The following GLMN variants were observed in gnomAD, a reference collection of about 807,000 sequenced individuals.
GLMN encodes the protein glomulin, FKBP associated protein.
GLMN carries 75 observed loss-of-function variants against 87.8 expected under a neutral mutation model. That is an observed-to-expected ratio of 0.85 (90% confidence interval 0.71 to 1.04). The LOEUF (loss-of-function observed/expected upper bound fraction) is 1.04, where lower values mean the gene tolerates loss of function less well. Among genes scored for constraint, GLMN ranks in the 50% least tolerant of loss-of-function variants. The probability of loss-of-function intolerance (pLI) is 0.00; values close to 1 mark genes in which losing one functional copy is unlikely to be tolerated. For synonymous variants in GLMN, 206 were observed against 221.6 expected (o/e 0.93, Z 0.63); for missense variants, 588 against 658.8 (o/e 0.89, Z 1.18).
chr1:92,328,154 G>A, the GLMN span, among the ~76,000 whole-genome samples: 1 of 152,154 alleles, frequency 6.6e-6, no homozygotes, highest in African/African-American at 2.4e-5. Context: ...TTTTTATGAT[G>A]AGTTTCCCAG....
At chr1:92,287,485 C>T (rs1451131869) in intron 6 of GLMN, among the ~76,000 whole-genome samples, 3 of 150,652 alleles carry the variant, frequency 2.0e-5, no homozygotes, top group African/African-American at 7.3e-5. Flanking sequence ...GGACTACAGG[C>T]ACACACCACT....
intron 9 of GLMN, among the ~76,000 whole-genome samples, chr1:92,268,853 A>T (rs566414989): frequency 5.1e-4 from 78 of 151,988 alleles, no homozygotes; most frequent in African/African-American, 1.8e-3. Context: ...CAAAGCATAT[A>T]GTTCTGTGAA....
chr1:92,299,755 C>T (rs1341415711), upstream of GLMN, among the ~76,000 whole-genome samples: 1 of 152,132 alleles, frequency 6.6e-6, no homozygotes, highest in Non-Finnish European at 1.5e-5. Context: ...TTGATTTACA[C>T]ACGATTGGAC....
At chr1:92,249,204 T>C (rs1653107908) in intron 16 of GLMN, among the ~76,000 whole-genome samples, 1 of 151,802 alleles carries the variant, frequency 6.6e-6, no homozygotes, top group Non-Finnish European at 1.5e-5. Flanking sequence ...TGTACAGACG[T>C]ATTAACCCAA....
intron 2 of GLMN, 45 bp from the exon 3 acceptor site, chr1:92,297,574 T>C (rs1347388607): frequency 2.0e-6 from 3 of 1,473,626 alleles, no homozygotes; most frequent in East Asian, 2.3e-5. Flanking sequence ...AAAAAAAGTA[T>C]ATGCAAATAA....
upstream of GLMN, chr1:92,299,117 G>A (rs888166044): frequency 5.3e-6 from 8 of 1,522,708 alleles, no homozygotes; most frequent in Non-Finnish European, 6.2e-6. Context: ...CGCAAGGCCG[G>A]GGCTCCCCGC....
At chr1:92,292,689 C>T (rs994697983) in intron 3 of GLMN, among the ~76,000 whole-genome samples, 3 of 145,556 alleles carry the variant, frequency 2.1e-5, no homozygotes, top group Admixed American at 2.0e-4. Flanking sequence ...TCCCAAAGTG[C>T]TGGGATTACA....
At chr1:92,320,736 C>T in the GLMN span, 1 of 839,058 alleles carries the variant, frequency 1.2e-6, no homozygotes. Context: ...TGTGCTGATG[C>T]ATTATGTAAG....
At chr1:92,332,129 T>C in the GLMN span, among the ~76,000 whole-genome samples, 1 of 151,988 alleles carries the variant, frequency 6.6e-6, no homozygotes, top group African/African-American at 2.4e-5. Context: ...TTTTACTGTA[T>C]CTTGTAGGTC....
intron 16 of GLMN, among the ~76,000 whole-genome samples, chr1:92,256,039 T>C (rs1247416665): frequency 6.6e-6 from 1 of 151,650 alleles, no homozygotes; most frequent in Non-Finnish European, 1.5e-5. Flanking sequence ...AAGAATCAAA[T>C]AGACACAATA....
At chr1:92,266,398 T>G (rs1268833766) in intron 13 of GLMN, 21 bp downstream of exon 13, 2 of 1,240,868 alleles carry the variant, frequency 1.6e-6, no homozygotes, top group Non-Finnish European at 1.2e-6. Context: ...CACTTAGCAA[T>G]TAGCCATGCT....
chr1:92,362,426 G>C, the GLMN span, among the ~76,000 whole-genome samples: 15 of 152,148 alleles, frequency 9.9e-5, no homozygotes, highest in Admixed American at 9.8e-4. Flanking sequence ...AGCCAGAATG[G>C]TGAAAAAGAG....
At chr1:92,291,819 A>G (rs1649444465) in intron 3 of GLMN, among the ~76,000 whole-genome samples, 1 of 152,208 alleles carries the variant, frequency 6.6e-6, no homozygotes, top group African/African-American at 2.4e-5. Context: ...TATTTCCAAC[A>G]AAAGAGTTAA....
intron 3 of GLMN, among the ~76,000 whole-genome samples, chr1:92,292,924 T>C (rs1570978552): frequency 6.6e-6 from 1 of 151,206 alleles, no homozygotes; most frequent in Non-Finnish European, 1.5e-5. Context: ...CTTGGGAGGA[T>C]GAGTGGGAGG....
In GLMN at chr1:92,271,533, T is replaced by A; in HGVS notation, c.855A>T (p.Ser285=). ...ATACTAGATATGCCAGAGAAGCCATTGAGTCTGCTAACTGTTTATTTTCTT... is the reference window on the plus strand; with the variant it reads ...ATACTAGATATGCCAGAGAAGCCATAGAGTCTGCTAACTGTTTATTTTCTT... ...EEEENKQLAD[S]MASLAYLVFV... The change falls in exon 8 of 19, where the codon TCA becomes TCT. Residue 285 remains serine, a synonymous_variant. Transcript: ENST00000370360. 1 of 1,612,708 alleles carries A rather than the reference T, an allele frequency of 6.2e-7. No homozygotes were observed. Among genetic ancestry groups the A allele is most frequent in the Non-Finnish European group, 8.5e-7 (1 of 1,178,800 alleles).
chr1:92,304,055 T>G, the GLMN span: 2 of 1,611,444 alleles, frequency 1.2e-6, no homozygotes, highest in Non-Finnish European at 1.7e-6. Context: ...TTATCCTTTA[T>G]GTCAGAAGAA....
At chr1:92,345,267 G>A in the GLMN span, among the ~76,000 whole-genome samples, 1 of 151,596 alleles carries the variant, frequency 6.6e-6, no homozygotes, top group Non-Finnish European at 1.5e-5. Context: ...TCAAGAGGCT[G>A]AGTCAGGAGG....
At chr1:92,316,283 T>C in the GLMN span, among the ~76,000 whole-genome samples, 1 of 152,146 alleles carries the variant, frequency 6.6e-6, no homozygotes, top group Non-Finnish European at 1.5e-5. Flanking sequence ...CAAAAACCTC[T>C]GCAGAACAAC....
At chr1:92,343,609 CATT>C in the GLMN span, among the ~76,000 whole-genome samples, 2 of 151,972 alleles carry the variant, frequency 1.3e-5, no homozygotes, top group Non-Finnish European at 2.9e-5. Flanking sequence ...TTAAAGAAAA[CATT>C]ATAATTAATT....
Sources: gnomAD v4.1 joint callset for allele counts (sites outside exome capture counted in the v4.1 genomes callset) on GRCh38, gnomAD v4.1.1 for gene constraint, MANE v1.5 for transcripts, NCBI Gene and HGNC (gene_info 2026-07-23, HGNC 2026-07-21) for gene names.